Variants in FSTL5 observed in about 807,000 individuals in gnomAD.
The protein encoded by FSTL5 is follistatin like 5.
Under a neutral mutation model 89.1 loss-of-function variants are expected in FSTL5, and 62 were observed. That is an observed-to-expected ratio of 0.70 (90% CI 0.57 to 0.86). The LOEUF is 0.86. Among genes scored for constraint, FSTL5 ranks in the 40% least tolerant of loss-of-function variants. The pLI is 0.00. For synonymous variants in FSTL5, 383 were observed against 346.2 expected (o/e 1.11, Z -1.18); for missense variants, 1,057 against 1,001.6 (o/e 1.06, Z -0.75).
intron 1 of FSTL5, among the ~76,000 whole-genome samples, chr4:162,124,106 A>C (rs1731976291): frequency 6.6e-6 from 1 of 152,286 alleles, no homozygotes; most frequent in East Asian, 1.9e-4. Flanking sequence ...TTTTGAAGTA[A>C]ATGCTTTTAA....
intron 3 of FSTL5, among the ~76,000 whole-genome samples, chr4:161,980,950 G>A (rs889386634): frequency 5.3e-5 from 8 of 151,474 alleles, no homozygotes; most frequent in African/African-American, 1.5e-4. Flanking sequence ...TAGTAGAGAC[G>A]GGGTTTCACA....
At chr4:161,560,892 T>G (rs1316496748) in intron 8 of FSTL5, among the ~76,000 whole-genome samples, 2 of 151,986 alleles carry the variant, frequency 1.3e-5, no homozygotes, top group African/African-American at 4.8e-5. Flanking sequence ...AAAATGACAC[T>G]AAAATGCGTA....
chr4:161,410,208 A>G (rs1344453074), intron 15 of FSTL5, among the ~76,000 whole-genome samples: 4 of 152,216 alleles, frequency 2.6e-5, no homozygotes, highest in African/African-American at 7.2e-5. Context: ...TGCAAACAAA[A>G]TTGGGGCACC....
intron 2 of FSTL5, among the ~76,000 whole-genome samples, chr4:162,048,951 A>G (rs1381525767): frequency 6.6e-6 from 1 of 152,190 alleles, no homozygotes. Context: ...AAGACAGTGC[A>G]ACTTGAAGTT....
chr4:162,137,633 C>T (rs1435728142), intron 1 of FSTL5, among the ~76,000 whole-genome samples: 2 of 152,038 alleles, frequency 1.3e-5, no homozygotes, highest in East Asian at 3.9e-4. Context: ...ATAAGTTGTC[C>T]TTCTTTGGCA....
intron 4 of FSTL5, among the ~76,000 whole-genome samples, chr4:161,875,185 A>C (rs1732402717): frequency 1.3e-5 from 2 of 152,154 alleles, no homozygotes; most frequent in Non-Finnish European, 2.9e-5. Flanking sequence ...AAGGCTGTTT[A>C]AGGCCAACTT....
chr4:161,392,695 A>T (rs562255398), intron 15 of FSTL5, among the ~76,000 whole-genome samples: 46 of 152,264 alleles, frequency 3.0e-4, no homozygotes, highest in Non-Finnish European at 6.5e-4. Flanking sequence ...AATAACCTGA[A>T]AATCTGAAAA....
At chr4:161,707,511 G>A (rs1172877442) in intron 6 of FSTL5, among the ~76,000 whole-genome samples, 4 of 151,786 alleles carry the variant, frequency 2.6e-5, no homozygotes, top group African/African-American at 7.3e-5. Flanking sequence ...GCATAAAGAC[G>A]GAGGATGCAC....
chr4:161,980,809 C>A (rs1735807004), intron 3 of FSTL5, among the ~76,000 whole-genome samples: 1 of 121,260 alleles, frequency 8.2e-6, no homozygotes, highest in South Asian at 2.9e-4. Flanking sequence ...CAGAGTCTCA[C>A]TCTGTCACCC....
intron 6 of FSTL5, among the ~76,000 whole-genome samples, chr4:161,703,847 T>C (rs557914741): frequency 4.3e-4 from 66 of 152,306 alleles, no homozygotes; most frequent in African/African-American, 1.5e-3. Context: ...CATTTATATT[T>C]CATCTTTTTC....
chr4:161,405,367 A>T (rs181367218), intron 15 of FSTL5, among the ~76,000 whole-genome samples: 16 of 152,302 alleles, frequency 1.1e-4, no homozygotes, highest in African/African-American at 3.6e-4. Flanking sequence ...ACAAAGAATT[A>T]TAAATACAAA....
intron 4 of FSTL5, among the ~76,000 whole-genome samples, chr4:161,807,264 T>C (rs1282391180): frequency 2.0e-5 from 3 of 150,276 alleles, no homozygotes; most frequent in Non-Finnish European, 4.4e-5. Flanking sequence ...TGGGGTCTCA[T>C]TGTGTTGCCC....
intron 3 of FSTL5, among the ~76,000 whole-genome samples, chr4:161,982,604 T>C (rs1381408058): frequency 6.6e-6 from 1 of 152,214 alleles, no homozygotes; most frequent in Non-Finnish European, 1.5e-5. Context: ...ATCTAATACA[T>C]ATAAAAGAAT....
intron 1 of FSTL5, among the ~76,000 whole-genome samples, chr4:162,144,077 A>G (rs567009047): frequency 6.6e-6 from 1 of 152,284 alleles, no homozygotes; most frequent in African/African-American, 2.4e-5. Flanking sequence ...TTAAAGCTTT[A>G]GTTATAGCAC....
Position 161,706,217 on chromosome 4 carries a change from T to C in FSTL5, c.728-49723A>G, listed in dbSNP as rs565799068. On this transcript the variant is annotated intron_variant, in intron 6 of 15. Coordinates refer to ENST00000306100, the MANE Select transcript of FSTL5 (RefSeq NM_020116.5). ...TCAAATCATTTGGCAAATATGTTAG[T>C]GTTAGAATTTATCTATTAGCCTGTA... 8.3e-4 allele frequency among the ~76,000 whole-genome samples: 125 copies of C among 151,420 alleles called. 2 individuals are homozygous for C. In the South Asian group the frequency reaches 8.3e-3, roughly 10 times the overall value.
chr4:161,485,744 G>A (rs1729656572), intron 12 of FSTL5, among the ~76,000 whole-genome samples: 1 of 151,978 alleles, frequency 6.6e-6, no homozygotes. Context: ...TTGAACATAA[G>A]TATAGTTTAT....
At chr4:162,124,759 G>A (rs1042425504) in intron 1 of FSTL5, among the ~76,000 whole-genome samples, 4 of 152,086 alleles carry the variant, frequency 2.6e-5, no homozygotes, top group African/African-American at 7.2e-5. Context: ...GAGTGCAGTG[G>A]TGCGATCTCA....
chr4:162,101,420 A>G (rs189049740), intron 2 of FSTL5, among the ~76,000 whole-genome samples: 52 of 152,318 alleles, frequency 3.4e-4, no homozygotes, highest in Admixed American at 3.1e-3. Context: ...CATTGTTAAA[A>G]GCTGAACTTA....
chr4:162,068,045 T>TGG (rs1561001548), intron 2 of FSTL5, among the ~76,000 whole-genome samples: 2 of 151,696 alleles, frequency 1.3e-5, no homozygotes, highest in Non-Finnish European at 2.9e-5. Flanking sequence ...AAGGAAACAA[T>TGG]AAAAAATGAC....
Sources: allele counts gnomAD v4.1 joint callset (sites outside exome capture counted in the v4.1 genomes callset), GRCh38; gene constraint gnomAD v4.1.1; transcripts MANE v1.5; gene names NCBI Gene and HGNC (gene_info 2026-07-23, HGNC 2026-07-21).